Variants in GNAT2 observed in about 807,000 individuals in gnomAD.
GNAT2 encodes the protein G protein subunit alpha transducin 2.
A neutral mutation model predicts 40.9 loss-of-function variants in GNAT2; 32 were observed. That is an observed-to-expected ratio of 0.78 (90% CI 0.59 to 1.05). GNAT2 has a LOEUF of 1.05. Among genes scored for constraint, GNAT2 ranks in the 50% least tolerant of loss-of-function variants. GNAT2 has a pLI of 0.00. For synonymous variants in GNAT2, 141 were observed against 157.2 expected, an observed-to-expected ratio of 0.90 and a Z score of 0.77; for missense variants, 355 against 431.5, an observed-to-expected ratio of 0.82 and a Z score of 1.57.
At position 109,603,365 on chromosome 1, in the gene GNAT2, C is replaced by T. The variant is rs1394659213; in HGVS notation, c.1054G>A (p.Gly352Ser). ...IIIKENLKDCGLF is the reference protein window; with the variant it reads ...IIIKENLKDCSLF ...AGGAATGGTGAGGATTAGAAGAGGC[C>T]GCAGTCCTTGAGGTTTTCTTTGATG... is the stretch of plus-strand genomic sequence containing the variant. The change falls in exon 9 of 9, where the codon GGC (glycine) becomes AGC (serine). Residue 352 changes from glycine (G) to serine (S), a missense_variant. Physicochemically the swap from Gly to Ser is moderately conservative, Grantham distance 56 (BLOSUM62 0). Coordinates refer to ENST00000679935, the MANE Select transcript of GNAT2 (RefSeq NM_001377295.2). 6.9e-6 allele frequency: 11 copies of T among 1,584,980 alleles called. No individual in the cohort carries two copies. The highest frequency in any genetic ancestry group is 1.3e-5 in the African/African-American group (1 of 74,310).
intron 1 of GNAT2, among the ~76,000 whole-genome samples, 167 bp downstream of exon 1, chr1:109,619,316 C>T (rs1162175507): frequency 6.6e-6 from 1 of 152,232 alleles, no homozygotes; most frequent in African/African-American, 2.4e-5. Flanking sequence ...ACTCATTTTA[C>T]AGACGAAATA....
intron 7 of GNAT2, chr1:109,604,840 G>A (rs907137976): frequency 1.3e-5 from 2 of 153,068 alleles, no homozygotes; most frequent in African/African-American, 4.8e-5. Flanking sequence ...TCCCATTTGT[G>A]GCTTTTTCCC....
At chr1:109,608,432 C>G (rs1385786629) in intron 5 of GNAT2, 199 bp downstream of exon 5, 1 of 641,456 alleles carries the variant, frequency 1.6e-6, no homozygotes, top group Non-Finnish European at 2.8e-6. Context: ...GTCATGACAA[C>G]TGTGGCAGAT....
In GNAT2 at chr1:109,610,077, G is replaced by A. The variant is rs1649747085; in HGVS notation, c.266C>T (p.Thr89Ile). The stretch of plus-strand genomic sequence containing the variant: ...TTCAGCATAATCGATGCCCAGTGTG[G>A]TCATGGCCCGGATGATAGCCAGGAT... The part of the protein sequence containing the change: ...QSILAIIRAM[T>I]TLGIDYAEPS... Residue 89 changes from threonine to isoleucine, a missense_variant, in exon 4 of 9, where the codon ACC becomes ATC. By Grantham distance (89) the Thr-to-Ile change is moderately conservative. Transcript: ENST00000679935. 6.2e-7 allele frequency: 1 copy of A among 1,613,990 alleles called. No homozygotes were observed. The highest frequency in any genetic ancestry group is 8.5e-7 in the Non-Finnish European group (1 of 1,179,886).
chr1:109,605,144 T>C (rs1392409576), intron 7 of GNAT2: 1 of 152,374 alleles, frequency 6.6e-6, no homozygotes, highest in Non-Finnish European at 1.5e-5. Flanking sequence ...CCTCCATTTG[T>C]AAGCAGATGC....
intron 1 of GNAT2, chr1:109,615,041 G>C (rs529560316): frequency 6.6e-6 from 1 of 152,304 alleles, no homozygotes; most frequent in East Asian, 1.9e-4. Flanking sequence ...CATGCTGAAG[G>C]CTACACTGTT....
chr1:109,606,509 C>A (rs1649603547), intron 5 of GNAT2, 73 bp from the exon 6 acceptor site: 2 of 1,255,782 alleles, frequency 1.6e-6, no homozygotes, highest in Non-Finnish European at 2.3e-6. Context: ...GGTATCTTAC[C>A]CAAAGTCACA....
At chr1:109,609,095 T>C (rs951189239) in intron 4 of GNAT2, 10 of 432,984 alleles carry the variant, frequency 2.3e-5, no homozygotes, top group African/African-American at 6.0e-5. Flanking sequence ...AAAACGTGGG[T>C]CCTCTGCTGC....
chr1:109,615,108 A>G (rs1649913463), intron 1 of GNAT2: 2 of 152,246 alleles, frequency 1.3e-5, no homozygotes, highest in South Asian at 4.1e-4. Context: ...ATAATTAATA[A>G]CTGCTGAACA....
intron 4 of GNAT2, 133 bp downstream of exon 4, chr1:109,609,907 T>G: frequency 1.1e-6 from 1 of 889,714 alleles, no homozygotes; most frequent in East Asian, 2.4e-5. Context: ...AGCAGTGAGA[T>G]CCCACCCAGC....
intron 1 of GNAT2, chr1:109,616,104 A>G (rs749602340): frequency 3.3e-5 from 5 of 152,190 alleles, no homozygotes; most frequent in Non-Finnish European, 7.3e-5. Flanking sequence ...GTACAGATCC[A>G]TTACTGTGCA....
intron 3 of GNAT2, 133 bp downstream of exon 3, chr1:109,610,332 A>G (rs561207398): frequency 2.5e-6 from 3 of 1,181,238 alleles, no homozygotes; most frequent in Non-Finnish European, 2.5e-6. Flanking sequence ...AGGGGTACAG[A>G]TGAGGGGCAT....
intron 1 of GNAT2, among the ~76,000 whole-genome samples, chr1:109,618,567 T>C (rs538195086): frequency 2.4e-4 from 37 of 152,378 alleles, no homozygotes; most frequent in South Asian, 8.3e-4. Flanking sequence ...AGAAAGATTA[T>C]ATCAGTGTTC....
chr1:109,610,543 C>T (rs1322487482), intron 2 of GNAT2, 36 bp from the exon 3 acceptor site: 3 of 1,588,262 alleles, frequency 1.9e-6, no homozygotes. Context: ...CGATTTCCAC[C>T]AGTTCTCCTC....
Position 109,604,084 on chromosome 1 carries a change from C to A in GNAT2, c.741G>T (p.Leu247Phe). The change falls in exon 8 of 9, where the codon TTG becomes TTT. Residue 247 changes from leucine (L) to phenylalanine (F), a missense_variant. Leu to Phe is a conservative substitution (Grantham distance 22). Coordinates refer to ENST00000679935, the MANE Select transcript of GNAT2 (RefSeq NM_001377295.2). The stretch of plus-strand genomic sequence containing the variant: ...GGTTACATATGCTGTTGAACAGATG[C>A]AAAGACTCATGCATACGATTCTAGT... ...DDEVNRMHES[L>F]HLFNSICNHK... The A allele has an allele frequency of 6.2e-7, 1 of 1,611,936 alleles. No homozygotes were observed. The highest frequency in any genetic ancestry group is 8.5e-7 in the Non-Finnish European group (1 of 1,178,162).
Position 109,610,198 on chromosome 1 carries a change from C to A in GNAT2, c.162-17G>T. 1 of 1,613,802 alleles carries A rather than the reference C, an allele frequency of 6.2e-7. No individual in the cohort carries two copies. Among genetic ancestry groups the A allele is most frequent in the Non-Finnish European group, 8.5e-7 (1 of 1,179,750 alleles). On this transcript the variant is annotated splice_polypyrimidine_tract_variant and intron_variant, in intron 3 of 8. Coordinates refer to ENST00000679935, the MANE Select transcript of GNAT2 (RefSeq NM_001377295.2). ...TGAATGATCCTGCAAGGGGCAGACA[C>A]TCTGTCTTTAGCTGGACCTGAGTAA...
At chr1:109,617,407 C>G (rs960022261) in intron 1 of GNAT2, 1 of 152,174 alleles carries the variant, frequency 6.6e-6, no homozygotes, top group African/African-American at 2.4e-5. Flanking sequence ...GTGTTTGGAG[C>G]TAGGGAATAT....
intron 1 of GNAT2, among the ~76,000 whole-genome samples, chr1:109,618,970 G>GT: frequency 6.6e-6 from 1 of 152,220 alleles, no homozygotes; most frequent in East Asian, 1.9e-4. Context: ...ACAACTGGGT[G>GT]TGGGGGGCAA....
rs760803840 is a variant in GNAT2 at position 109,608,769 on chromosome 1, T to C, written c.323A>G (p.Asn108Ser). The change falls in exon 5 of 9, where the codon AAC becomes AGC. Residue 108 changes from asparagine to serine, a missense_variant. By Grantham distance (46) the Asn-to-Ser change is conservative. Transcript: ENST00000679935. ...CTCCTCAATGGAGTCAGCCAGGTTGTTGAGCTGTCGCCCGTCATCCTGTAA... is the reference window on the plus strand; with the variant it reads ...CTCCTCAATGGAGTCAGCCAGGTTGCTGAGCTGTCGCCCGTCATCCTGTAA... ...PSCADDGRQLNNLADSIEEGT... is the reference protein window; with the variant it reads ...PSCADDGRQLSNLADSIEEGT... 6.2e-7 allele frequency: 1 copy of C among 1,614,096 alleles called. No individual in the cohort carries two copies. The highest frequency in any genetic ancestry group is 8.5e-7 in the Non-Finnish European group (1 of 1,179,928).
Sources: allele counts gnomAD v4.1 joint callset (sites outside exome capture counted in the v4.1 genomes callset), GRCh38; gene constraint gnomAD v4.1.1; transcripts MANE v1.5; gene names NCBI Gene and HGNC (gene_info 2026-07-23, HGNC 2026-07-21).